SLC17A4: variants seen among roughly 807,000 people sequenced by gnomAD.
SLC17A4 encodes probable small intestine urate exporter.
A neutral mutation model predicts 52.5 loss-of-function variants in SLC17A4; 33 were observed. That is an observed-to-expected ratio of 0.63 (90% CI 0.48 to 0.84). SLC17A4 has a LOEUF of 0.84. Among genes scored for constraint, SLC17A4 ranks in the 40% least tolerant of loss-of-function variants. The pLI is 0.00. For missense variants in SLC17A4, 585 were observed against 597.1 expected (o/e 0.98, Z 0.21); for synonymous variants, 225 against 216.2 (o/e 1.04, Z -0.36).
chr6:25,761,620 A>G (rs1761539056), intron 1 of SLC17A4, among the ~76,000 whole-genome samples: 1 of 152,222 alleles, frequency 6.6e-6, no homozygotes, highest in Non-Finnish European at 1.5e-5. Context: ...TTTCATGTCC[A>G]TTTGATACTA....
At chr6:25,764,754 C>A (rs564958516) in intron 2 of SLC17A4, among the ~76,000 whole-genome samples, 1 of 152,282 alleles carries the variant, frequency 6.6e-6, no homozygotes, top group East Asian at 1.9e-4. Context: ...CTGGGTGAAG[C>A]GTGCATGGGT....
intron 8 of SLC17A4, 33 bp from the exon 9 acceptor site, chr6:25,776,562 G>A (rs774510801): frequency 2.0e-5 from 32 of 1,567,238 alleles, no homozygotes; most frequent in Non-Finnish European, 2.8e-5. Flanking sequence ...GGTGGTAAGG[G>A]CACATGCACC....
chr6:25,773,591 T>C lies in SLC17A4; in HGVS notation c.904T>C (p.Phe302Leu). ...ACTCTGGGCCATTTTAGTCTCTTAT[T>C]TCTGTGAATACTGGCTTTTTTATAC... Reference protein sequence around the residue: ...LPLWAILVSYFCEYWLFYTIM... With the variant: ...LPLWAILVSYLCEYWLFYTIM... The change falls in exon 8 of 12, where the codon TTC becomes CTC. Residue 302 changes from phenylalanine to leucine, a missense_variant. By Grantham distance (22) the Phe-to-Leu change is conservative (BLOSUM62 0). Coordinates refer to ENST00000377905, the MANE Select transcript of SLC17A4 (RefSeq NM_005495.3). 1 of 1,613,996 alleles carries C rather than the reference T, an allele frequency of 6.2e-7. No homozygotes were observed. The highest frequency in any genetic ancestry group is 1.1e-5 in the South Asian group (1 of 91,076).
chr6:25,776,589 C>G lies in SLC17A4; in HGVS notation c.988-6C>G. On this transcript the variant is annotated splice_region_variant and splice_polypyrimidine_tract_variant and intron_variant, in intron 8 of 11. Coordinates refer to ENST00000377905, the MANE Select transcript of SLC17A4 (RefSeq NM_005495.3). ...ACATGCACCTGACCTAGTCTCTGGTCCTCAGAGTGGGATCCTGTCTGCCTT... is the reference window on the plus strand; with the variant it reads ...ACATGCACCTGACCTAGTCTCTGGTGCTCAGAGTGGGATCCTGTCTGCCTT... The G allele has an allele frequency of 6.3e-7, 1 of 1,595,468 alleles. No homozygotes were observed. Among genetic ancestry groups the G allele is most frequent in the Non-Finnish European group, 8.5e-7 (1 of 1,170,304 alleles).
rs539406650 is a variant in SLC17A4 at position 25,777,981 on chromosome 6, A to G, written c.1324A>G (p.Ile442Val). 5 of 1,612,946 alleles carry G rather than the reference A, an allele frequency of 3.1e-6. No individual in the cohort carries two copies. Among genetic ancestry groups the G allele is most frequent in the South Asian group, 2.2e-5 (2 of 91,058 alleles). The part of the protein sequence containing the change: ...LQVFAHIAGA[I>V]SPTAAGFFIS... Reference sequence around the variant, plus strand: ...AGTCTTTGCACACATAGCTGGAGCCATCTCTCCTACTGCTGCTGGATTTTT... The same window carrying G: ...AGTCTTTGCACACATAGCTGGAGCCGTCTCTCCTACTGCTGCTGGATTTTT... The change falls in exon 11 of 12, where the codon ATC (isoleucine) becomes GTC (valine). Residue 442 changes from isoleucine (I) to valine (V), a missense_variant. Transcript: ENST00000377905.
chr6:25,768,450 T>C (rs1397833197), intron 2 of SLC17A4: 1 of 921,946 alleles, frequency 1.1e-6, no homozygotes, highest in Non-Finnish European at 1.3e-6. Flanking sequence ...GCATAGATTA[T>C]AGTATTAAGA....
At chr6:25,771,627 C>A (rs1762491717) in intron 6 of SLC17A4, among the ~76,000 whole-genome samples, 1 of 151,934 alleles carries the variant, frequency 6.6e-6, no homozygotes, top group Non-Finnish European at 1.5e-5. Context: ...TTTAGTCATG[C>A]TTTTTAATTT....
chr6:25,774,547 G>A (rs1232698057), intron 8 of SLC17A4, among the ~76,000 whole-genome samples: 1 of 152,186 alleles, frequency 6.6e-6, no homozygotes, highest in Non-Finnish European at 1.5e-5. Context: ...GTGGCTCTGG[G>A]TCTTTTCAAA....
chr6:25,768,167 A>C (rs1762176985), intron 2 of SLC17A4, among the ~76,000 whole-genome samples: 1 of 152,166 alleles, frequency 6.6e-6, no homozygotes, highest in Admixed American at 6.5e-5. Flanking sequence ...TGGGGAACTA[A>C]ATGCTCTCAG....
chr6:25,770,401 T>C lies in SLC17A4; in HGVS notation c.549T>C (p.Gly183=), dbSNP rs1368843063. ...QGIAQVMVLT[G]QYSIWVKWAP... ...CCCCCCAGGTTATGGTATTAACTGG[T>C]CAGTATTCAATTTGGGTCAAATGGG... The change falls in exon 5 of 12, where the codon GGT becomes GGC. Residue 183 remains glycine (G), a synonymous_variant. Transcript: ENST00000377905. The C allele has an allele frequency of 6.2e-7, 1 of 1,614,012 alleles. No homozygotes were observed. Among genetic ancestry groups the C allele is most frequent in the South Asian group, 1.1e-5 (1 of 91,072 alleles).
intron 2 of SLC17A4, among the ~76,000 whole-genome samples, chr6:25,762,483 T>C (rs1316522412): frequency 2.6e-5 from 4 of 152,208 alleles, no homozygotes; most frequent in African/African-American, 9.6e-5. Context: ...CTTTCTCTTA[T>C]CTATATTACA....
chr6:25,776,390 A>G (rs1158306972), intron 8 of SLC17A4, among the ~76,000 whole-genome samples: 1 of 150,728 alleles, frequency 6.6e-6, no homozygotes, highest in Non-Finnish European at 1.5e-5. Flanking sequence ...ATATAAAGAG[A>G]GCCTTGTTCT....
intron 1 of SLC17A4, among the ~76,000 whole-genome samples, chr6:25,756,269 TA>T (rs1334754770): frequency 6.6e-6 from 1 of 152,158 alleles, no homozygotes; most frequent in African/African-American, 2.4e-5. Flanking sequence ...ACCTTCTGCC[TA>T]GAAAAACGTG....
chr6:25,777,908 A>G lies in SLC17A4; in HGVS notation c.1269-18A>G, dbSNP rs1478454533. 3 of 1,597,266 alleles carry G rather than the reference A, an allele frequency of 1.9e-6. No individual in the cohort carries two copies. The highest frequency in any genetic ancestry group is 2.2e-5 in the East Asian group (1 of 44,742). On this transcript the variant is annotated intron_variant, in intron 10 of 11. Coordinates refer to ENST00000377905, the MANE Select transcript of SLC17A4 (RefSeq NM_005495.3). ...TAGGTATACTTGGTTATAATAGAGT[A>G]CCATCTCTCTCTCTCAGGTACACTG...
chr6:25,768,401 C>A (rs777788301), intron 2 of SLC17A4: 6 of 988,028 alleles, frequency 6.1e-6, no homozygotes, highest in Non-Finnish European at 6.0e-6. Context: ...ACAGGGATAT[C>A]CCCAGAGCTC....
chr6:25,772,667 C>T (rs1235876389), intron 6 of SLC17A4, among the ~76,000 whole-genome samples: 2 of 152,094 alleles, frequency 1.3e-5, no homozygotes, highest in African/African-American at 4.8e-5. Context: ...TGTACTGCTG[C>T]TCACTCTTAT....
intron 2 of SLC17A4, among the ~76,000 whole-genome samples, chr6:25,762,826 G>T (rs1761661716): frequency 6.6e-6 from 1 of 152,178 alleles, no homozygotes; most frequent in Admixed American, 6.5e-5. Context: ...TACTATTCCA[G>T]TAGTCTCGGC....
intron 2 of SLC17A4, among the ~76,000 whole-genome samples, chr6:25,762,916 G>A (rs561736703): frequency 1.3e-5 from 2 of 152,218 alleles, no homozygotes; most frequent in South Asian, 4.1e-4. Context: ...CTATCATTCT[G>A]TCTCTCCCTT....
At chr6:25,775,820 A>G (rs1002774327) in intron 8 of SLC17A4, among the ~76,000 whole-genome samples, 4 of 152,184 alleles carry the variant, frequency 2.6e-5, no homozygotes, top group Admixed American at 2.6e-4. Context: ...TTAAAATACA[A>G]AACAGTATAC....
Sources: allele counts gnomAD v4.1 joint callset (sites outside exome capture counted in the v4.1 genomes callset), GRCh38; gene constraint gnomAD v4.1.1; transcripts MANE v1.5; gene names NCBI Gene and HGNC (gene_info 2026-07-23, HGNC 2026-07-21).